CNNM4: variants seen among roughly 807,000 people sequenced by gnomAD.
The protein encoded by CNNM4 is cyclin and CBS domain divalent metal cation transport mediator 4, also known as metal transporter CNNM4.
CNNM4 carries 32 observed loss-of-function variants against 53.7 expected under a neutral mutation model. That is an observed-to-expected ratio of 0.60 (90% CI 0.45 to 0.80). CNNM4 has a LOEUF of 0.80. CNNM4 is among the 30% of genes least tolerant of loss of function. The pLI is 0.00. For missense variants in CNNM4, 784 were observed against 1,022.0 expected (o/e 0.77, Z 3.17); for synonymous variants, 410 against 440.0 (o/e 0.93, Z 0.85).
intron 6 of CNNM4, 35 bp from the exon 7 acceptor site, chr2:96,809,285 C>G: frequency 1.2e-6 from 2 of 1,613,196 alleles, no homozygotes; most frequent in Non-Finnish European, 1.7e-6. Flanking sequence ...GCCTCCCAGC[C>G]CCTCCCTCCA....
At chr2:96,802,086 G>A (rs2079164805) in intron 5 of CNNM4, among the ~76,000 whole-genome samples, 1 of 147,226 alleles carries the variant, frequency 6.8e-6, no homozygotes, top group African/African-American at 2.5e-5. Context: ...CAGACACACA[G>A]GTATATATAC....
At chr2:96,781,604 C>T (rs985602711) in intron 1 of CNNM4, among the ~76,000 whole-genome samples, 1 of 152,190 alleles carries the variant, frequency 6.6e-6, no homozygotes, top group Non-Finnish European at 1.5e-5. Context: ...GGTGTCAGGG[C>T]ACTCTGTCTA....
Position 96,771,292 on chromosome 2 carries a change from T to C in CNNM4, c.1402+8891T>C, listed in dbSNP as rs533859104. Among the ~76,000 whole-genome samples the C allele has an allele frequency of 1.5e-3, 232 of 151,552 alleles. 1 individual carries two copies. The highest frequency in any genetic ancestry group is 6.8e-3 in the Admixed American group (104 of 15,238). The stretch of plus-strand genomic sequence containing the variant: ...TGCTTATTCCACTGTTAGATGATTT[T>C]CTTTTTTTTTTTTTTTATTTTGTTA... On this transcript the variant is annotated intron_variant, in intron 1 of 6. Coordinates refer to ENST00000377075, the MANE Select transcript of CNNM4 (RefSeq NM_020184.4).
rs2079133744 is a variant in CNNM4 at position 96,799,085 on chromosome 2, A to G, written c.1710A>G (p.Ile570Met). ...TCTCTCAGTTTAGCCCCTCCCTGATATCAGAGAAGATCCTGCTGCGGCTAC... is the reference window on the plus strand; with the variant it reads ...TCTCTCAGTTTAGCCCCTCCCTGATGTCAGAGAAGATCCTGCTGCGGCTAC... ...TEVSQFSPSL[I>M]SEKILLRLLK... is the part of the protein sequence containing the mutation. The change falls in exon 4 of 7, where the codon ATA (isoleucine) becomes ATG (methionine). Residue 570 changes from isoleucine to methionine, a missense_variant. This residue lies in a region of CNNM4 where 307 missense variants were observed against 376.3 expected (regional missense o/e 0.82). Coordinates refer to ENST00000377075, the MANE Select transcript of CNNM4 (RefSeq NM_020184.4). 6 of 1,614,110 alleles carry G rather than the reference A, an allele frequency of 3.7e-6. No individual in the cohort carries two copies. The highest frequency in any genetic ancestry group is 5.1e-6 in the Non-Finnish European group (6 of 1,179,994).
At position 96,764,986 on chromosome 2, in the gene CNNM4, CA is replaced by C. The variant is rs370805733; in HGVS notation, c.1402+2595del. Among the ~76,000 whole-genome samples, 22 of 55,784 alleles carry C rather than the reference CA, an allele frequency of 3.9e-4. No individual in the cohort carries two copies. In the East Asian group the frequency reaches 4.5e-3, roughly 11 times the overall value. 36.6% of individuals were successfully genotyped at this position (55,784 alleles called of 152,430 possible). On this transcript the variant is annotated intron_variant, in intron 1 of 6. Transcript: ENST00000377075. The stretch of plus-strand genomic sequence containing the variant: ...TGGGCGACTGAGCAAGACTCTGTTT[CA>C]AAAAAAAAAGAGTTTAGGAGTCTGG...
rs1323554732 is a variant in CNNM4, at chr2:96,797,897, G to A, written c.1681+250G>A. ...TCCAAGTTACTATATTTAATAGTTT[G>A]GGAAATAATGACTAGGCACTATGGC... is the stretch of plus-strand genomic sequence containing the variant. On this transcript the variant is annotated intron_variant, in intron 3 of 6. Coordinates refer to ENST00000377075, the MANE Select transcript of CNNM4 (RefSeq NM_020184.4). The surrounding 1 kb of genome is among the most constrained non-coding windows in gnomAD (Gnocchi z 6.0). Among the ~76,000 whole-genome samples, 1 of 152,158 alleles carries A rather than the reference G, an allele frequency of 6.6e-6. No individual in the cohort carries two copies. Among genetic ancestry groups the A allele is most frequent in the Non-Finnish European group, 1.5e-5 (1 of 68,030 alleles).
At chr2:96,791,956 C>T (rs6737892) in intron 1 of CNNM4, among the ~76,000 whole-genome samples, 214 of 151,540 alleles carry the variant, frequency 1.4e-3, no homozygotes, top group African/African-American at 5.0e-3. Flanking sequence ...TCTTGCCTCA[C>T]TACAACCTCC....
intron 1 of CNNM4, among the ~76,000 whole-genome samples, chr2:96,765,636 C>A (rs2078810012): frequency 6.6e-6 from 1 of 152,086 alleles, no homozygotes; most frequent in African/African-American, 2.4e-5. Context: ...TTATAAGCTC[C>A]TTGAGGGTAG....
rs763483009 is a variant in CNNM4 at position 96,761,653 on chromosome 2, G to C, written c.654G>C (p.Gln218His). ...ALDPMELRIV[Q>H]NCGTEKERRY... ...ACCCCATGGAGCTGCGCATCGTGCAGAACTGTGGCACCGAGAAGGAGAGGC... is the reference window on the plus strand; with the variant it reads ...ACCCCATGGAGCTGCGCATCGTGCACAACTGTGGCACCGAGAAGGAGAGGC... Residue 218 changes from glutamine (Q) to histidine (H), a missense_variant, in exon 1 of 7, where the codon CAG becomes CAC. By Grantham distance (24) the Gln-to-His change is conservative. Around this residue, in one of 3 missense-constraint regions of CNNM4, gnomAD observed 473 missense variants for 624.6 expected, o/e 0.76. Transcript: ENST00000377075. This position sits in a 1 kb window ranked among gnomAD's most constrained non-coding sequence, Gnocchi z 6.0. The C allele has an allele frequency of 9.9e-6, 16 of 1,612,814 alleles. No homozygotes were observed. Among genetic ancestry groups the C allele is most frequent in the Non-Finnish European group, 1.4e-5 (16 of 1,180,016 alleles).
chr2:96,764,778 G>T, intron 1 of CNNM4, among the ~76,000 whole-genome samples: 1 of 152,126 alleles, frequency 6.6e-6, no homozygotes, highest in East Asian at 1.9e-4. Flanking sequence ...ACGAGGTCAG[G>T]AGATTGAGAC....
In CNNM4 at chr2:96,807,096, C is replaced by T. The variant is rs147865587; in HGVS notation, c.1949-1465C>T. On this transcript the variant is annotated intron_variant, in intron 5 of 6. Coordinates refer to ENST00000377075, the MANE Select transcript of CNNM4 (RefSeq NM_020184.4). ...TACAATCTCGGCTCGTTACAACCTC[C>T]GCCTCCCAGGCTCAGGTGACCCTCC... Among the ~76,000 whole-genome samples the T allele has an allele frequency of 5.1e-3, 784 of 152,268 alleles. 8 individuals carry two copies. Among genetic ancestry groups the T allele is most frequent in the African/African-American group, 0.018 (752 of 41,544 alleles).
In CNNM4 at chr2:96,766,090, T is replaced by A. The variant is rs987062618; in HGVS notation, c.1402+3689T>A. ...TGAGCCACCACACCTGGCCTTTTTT[T>A]TTTTCTTTTCTTTTTTTTTTTTTTG... On this transcript the variant is annotated intron_variant, in intron 1 of 6. Transcript: ENST00000377075. Among the ~76,000 whole-genome samples the A allele has an allele frequency of 2.8e-3, 387 of 136,826 alleles. 3 individuals are homozygous for A. Among genetic ancestry groups the A allele is most frequent in the African/African-American group, 0.01 (372 of 36,434 alleles). 89.8% of individuals were successfully genotyped at this position (136,826 alleles called of 152,430 possible). A position where few individuals can be genotyped will look rare whatever the true frequency, so the allele number is the denominator to read the frequency against.
intron 1 of CNNM4, among the ~76,000 whole-genome samples, chr2:96,772,895 C>T (rs946717969): frequency 1.2e-4 from 18 of 147,070 alleles, no homozygotes; most frequent in Non-Finnish European, 2.4e-4. Flanking sequence ...CAGGCAGGCT[C>T]GCTCTCACCC....
Position 96,761,485 on chromosome 2 carries a change from G to A in CNNM4, c.486G>A (p.Lys162=). The change falls in exon 1 of 7, where the codon AAG becomes AAA. Residue 162 remains lysine (K), a synonymous_variant. Transcript: ENST00000377075. The surrounding 1 kb of genome is among the most constrained non-coding windows in gnomAD (Gnocchi z 6.0). ...TRAQPDGPWL[K]WTDKDSLLFM... ...CCCAGCCCGACGGGCCCTGGCTGAA[G>A]TGGACGGACAAGGACTCACTGCTCT... is the stretch of plus-strand genomic sequence containing the variant. 1 of 1,614,168 alleles carries A rather than the reference G, an allele frequency of 6.2e-7. No homozygotes were observed. Among genetic ancestry groups the A allele is most frequent in the Non-Finnish European group, 8.5e-7 (1 of 1,180,014 alleles).
rs371890814 is a variant in CNNM4, at chr2:96,793,484, T to C, written c.1403-3528T>C. On this transcript the variant is annotated intron_variant, in intron 1 of 6. Transcript: ENST00000377075. Reference sequence around the variant, plus strand: ...TGCAGAGGAGGGGTGAACGTGTACATGGTGCTCAGGGCTGTACACCTACAA... The same window carrying C: ...TGCAGAGGAGGGGTGAACGTGTACACGGTGCTCAGGGCTGTACACCTACAA... Among the ~76,000 whole-genome samples the C allele has an allele frequency of 5.9e-5, 9 of 152,252 alleles. No homozygotes were observed. The East Asian group carries it at 1.4e-3, about 23-fold the overall frequency.
At chr2:96,788,064 A>G (rs1258562632) in intron 1 of CNNM4, among the ~76,000 whole-genome samples, 1 of 152,126 alleles carries the variant, frequency 6.6e-6, no homozygotes, top group Non-Finnish European at 1.5e-5. Context: ...CTGGGATTAC[A>G]GGCCTGTGCC....
rs756325462 is a variant in CNNM4, at chr2:96,808,721, C to G, written c.2109C>G (p.Leu703=). ...TCTCTGACTTCAGCGTCCGGGCACT[C>G]GTGGACTTGCAGTACATCAAGGTGA... ...QYISDFSVRA[L]VDLQYIKITR... is the part of the protein sequence containing the mutation. Residue 703 remains leucine, a synonymous_variant, in exon 6 of 7, where the codon CTC becomes CTG. Transcript: ENST00000377075. This position sits in a 1 kb window ranked among gnomAD's most constrained non-coding sequence, Gnocchi z 4.9. The G allele has an allele frequency of 3.1e-6, 5 of 1,614,036 alleles. No homozygotes were observed. In the African/African-American group the frequency reaches 6.7e-5, roughly 22 times the overall value.
chr2:96,779,888 C>G (rs574635996), intron 1 of CNNM4, among the ~76,000 whole-genome samples: 4 of 150,574 alleles, frequency 2.7e-5, no homozygotes, highest in African/African-American at 9.8e-5. Flanking sequence ...CTGCAACCTC[C>G]GCCTCCTGGG....
chr2:96,786,238 G>A (rs1056179374), intron 1 of CNNM4, among the ~76,000 whole-genome samples: 4 of 152,090 alleles, frequency 2.6e-5, no homozygotes, highest in South Asian at 2.1e-4. Flanking sequence ...CCAACATGGC[G>A]AAACCCCGTC....
Sources: gnomAD v4.1 joint callset for allele counts (sites outside exome capture counted in the v4.1 genomes callset) on GRCh38, gnomAD v4.1.1 for gene constraint, gnomAD v4.1.1 regional missense constraint, Gnocchi (gnomAD v3.1) non-coding constraint, MANE v1.5 for transcripts, NCBI Gene and HGNC (gene_info 2026-07-23, HGNC 2026-07-21) for gene names.